The following FREM3 variants were observed in gnomAD, a reference collection of about 807,000 sequenced individuals.
FREM3 encodes FRAS1 related extracellular matrix 3.
A neutral mutation model predicts 129.1 loss-of-function variants in FREM3; 105 were observed. That is an observed-to-expected ratio of 0.81 (90% confidence interval 0.69 to 0.96). The LOEUF (loss-of-function observed/expected upper bound fraction) is 0.96. FREM3 is among the 40% of genes least tolerant of loss of function. The pLI is 0.00. For missense variants in FREM3, 2,593 were observed against 2,666.3 expected, an observed-to-expected ratio of 0.97 and a Z score of 0.61; for synonymous variants, 1,014 against 1,044.9, an observed-to-expected ratio of 0.97 and a Z score of 0.57.
Position 143,624,306 on chromosome 4 carries a change from CT to C in FREM3, c.5454del (p.Asp1819ThrfsTer25), listed in dbSNP as rs1560848767. On this transcript the variant is annotated frameshift_variant, in exon 4 of 8. Coordinates refer to ENST00000329798, the MANE Select transcript of FREM3 (RefSeq NM_001168235.2). LOFTEE classifies it high-confidence loss of function. ...SIGTKDETAK[K>X]DKDFKWKTNK... is the part of the protein sequence containing the mutation. ...TTGGTCTTCCATTTGAAATCTTTGT[CT>C]TTTTTTGCAGTTTCATCTTTGGTAC... is the stretch of plus-strand genomic sequence containing the variant. The C allele has an allele frequency of 1.0e-5, 16 of 1,536,824 alleles. No homozygotes were observed. In the South Asian group the frequency reaches 1.3e-4, roughly 13 times the overall value.
chr4:143,674,991 A>G (rs948502428), intron 2 of FREM3, among the ~76,000 whole-genome samples: 15 of 152,222 alleles, frequency 9.9e-5, no homozygotes, highest in Non-Finnish European at 1.5e-5. Flanking sequence ...CGAGAAAGAA[A>G]GTTAACAAGG....
chr4:143,673,411 T>C (rs904914716), intron 2 of FREM3, among the ~76,000 whole-genome samples: 2 of 152,126 alleles, frequency 1.3e-5, no homozygotes, highest in African/African-American at 2.4e-5. Flanking sequence ...GCAGCGAATA[T>C]TGGTGAACAG....
intron 4 of FREM3, among the ~76,000 whole-genome samples, chr4:143,622,122 G>A (rs1400860838): frequency 7.0e-6 from 1 of 143,854 alleles, no homozygotes; most frequent in African/African-American, 2.6e-5. Flanking sequence ...GCAGGGTCTT[G>A]CTCTGTCACC....
chr4:143,621,215 A>AT, intron 4 of FREM3, 53 bp from the exon 5 acceptor site: 2 of 1,498,574 alleles, frequency 1.3e-6, no homozygotes, highest in South Asian at 2.4e-5. Context: ...GATCGGTGAT[A>AT]TTTAAACACA....
intron 5 of FREM3, among the ~76,000 whole-genome samples, chr4:143,618,396 T>C (rs1738888112): frequency 6.6e-6 from 1 of 151,102 alleles, no homozygotes; most frequent in Admixed American, 6.6e-5. Context: ...ATGTTTGTGG[T>C]TAAAAAAAAG....
chr4:143,686,637 ATAG>A (rs764605692), intron 2 of FREM3, among the ~76,000 whole-genome samples: 3 of 152,216 alleles, frequency 2.0e-5, no homozygotes, highest in Non-Finnish European at 4.4e-5. Flanking sequence ...CTTTCAGACC[ATAG>A]TAGAATAAAA....
At chr4:143,683,414 G>A (rs1740293604) in intron 2 of FREM3, among the ~76,000 whole-genome samples, 1 of 152,202 alleles carries the variant, frequency 6.6e-6, no homozygotes, top group South Asian at 2.1e-4. Context: ...CCCCATTGGA[G>A]AAGCTGAAGG....
chr4:143,653,914 C>A (rs1739552541), intron 2 of FREM3, among the ~76,000 whole-genome samples: 1 of 152,144 alleles, frequency 6.6e-6, no homozygotes, highest in Non-Finnish European at 1.5e-5. Flanking sequence ...GGGGACTCTT[C>A]TTTTGATTAC....
chr4:143,631,852 G>A (rs1284971211), intron 2 of FREM3, among the ~76,000 whole-genome samples: 1 of 152,082 alleles, frequency 6.6e-6, no homozygotes, highest in Non-Finnish European at 1.5e-5. Flanking sequence ...GTATTCTTTA[G>A]TAAAACGTAC....
intron 2 of FREM3, among the ~76,000 whole-genome samples, chr4:143,658,489 G>C (rs1184419071): frequency 6.6e-6 from 1 of 152,138 alleles, no homozygotes; most frequent in Admixed American, 6.6e-5. Flanking sequence ...CTAATTTATG[G>C]TGTTTTGTTA....
At chr4:143,609,893 GAATGA>G in intron 6 of FREM3, among the ~76,000 whole-genome samples, 1 of 152,132 alleles carries the variant, frequency 6.6e-6, no homozygotes, top group Non-Finnish European at 1.5e-5. Flanking sequence ...AACTTCTTTC[GAATGA>G]AACTGGAAAA....
At chr4:143,600,823 A>G (rs1054366378) in intron 6 of FREM3, among the ~76,000 whole-genome samples, 1 of 152,166 alleles carries the variant, frequency 6.6e-6, no homozygotes, top group Non-Finnish European at 1.5e-5. Context: ...TTAAGATATC[A>G]TGGAGGCTGA....
At chr4:143,656,773 A>G (rs1739608645) in intron 2 of FREM3, among the ~76,000 whole-genome samples, 1 of 152,220 alleles carries the variant, frequency 6.6e-6, no homozygotes, top group Admixed American at 6.5e-5. Context: ...ACTAAAAACC[A>G]TTCAATTGCA....
rs1171185278 is a variant in FREM3 at position 143,697,157 on chromosome 4, G to A, written c.3519C>T (p.Gly1173=). ...AGAAGACATTTGGGGAGAAGTTGAT[G>A]CCATCAGAGCAATAAAAGGTGAATT... ...EDQFTFYCSD[G]INFSPNVFFP... Residue 1173 remains glycine (G), a synonymous_variant, in exon 1 of 8, where the codon GGC becomes GGT. Transcript: ENST00000329798. 6.5e-7 allele frequency: 1 copy of A among 1,537,870 alleles called. No individual in the cohort carries two copies. Among genetic ancestry groups the A allele is most frequent in the South Asian group, 1.2e-5 (1 of 84,060 alleles).
intron 6 of FREM3, among the ~76,000 whole-genome samples, chr4:143,608,027 C>G (rs914856338): frequency 1.3e-5 from 2 of 152,230 alleles, no homozygotes; most frequent in African/African-American, 4.8e-5. Context: ...TCATCAGCTC[C>G]CCTTTTTCTC....
intron 5 of FREM3, among the ~76,000 whole-genome samples, chr4:143,616,277 C>T (rs1341885329): frequency 1.3e-5 from 2 of 152,092 alleles, no homozygotes; most frequent in Non-Finnish European, 2.9e-5. Flanking sequence ...TGAGAGTTTA[C>T]GCCCAGAAAA....
At chr4:143,692,290 C>T (rs1282944558) in intron 2 of FREM3, among the ~76,000 whole-genome samples, 1 of 152,096 alleles carries the variant, frequency 6.6e-6, no homozygotes, top group Non-Finnish European at 1.5e-5. Flanking sequence ...GATTCAAACC[C>T]AGTCAGTATA....
At chr4:143,690,501 G>A (rs969718749) in intron 2 of FREM3, among the ~76,000 whole-genome samples, 3 of 152,060 alleles carry the variant, frequency 2.0e-5, no homozygotes, top group South Asian at 4.1e-4. Flanking sequence ...TTGAATACTG[G>A]TATGGGAAAC....
intron 5 of FREM3, among the ~76,000 whole-genome samples, chr4:143,616,579 G>T (rs1281977449): frequency 1.3e-5 from 2 of 152,154 alleles, no homozygotes; most frequent in East Asian, 3.9e-4. Flanking sequence ...GAGGTCAGGA[G>T]ATTGAGACCA....
Sources: allele counts gnomAD v4.1 joint callset (sites outside exome capture counted in the v4.1 genomes callset), GRCh38; gene constraint gnomAD v4.1.1; transcripts MANE v1.5; gene names NCBI Gene and HGNC (gene_info 2026-07-23, HGNC 2026-07-21).